Variants in R3HDM2 observed in about 807,000 individuals in gnomAD.
The protein encoded by R3HDM2 is R3H domain-containing protein 2.
R3HDM2 carries 38 observed loss-of-function variants against 124.5 expected under a neutral mutation model. The observed-to-expected ratio is 0.31, with a 90% CI of 0.24 to 0.40. The LOEUF is 0.40. Among genes scored for constraint, R3HDM2 ranks in the 10% least tolerant of loss-of-function variants. The probability of loss-of-function intolerance (pLI) is 1.00; values close to 1 mark genes in which losing one functional copy is unlikely to be tolerated. For synonymous variants in R3HDM2, 391 were observed against 448.0 expected, an observed-to-expected ratio of 0.87 and a Z score of 1.61; for missense variants, 869 against 1,236.9, an observed-to-expected ratio of 0.70 and a Z score of 4.46.
chr12:57,277,254 A>C (rs904519546), intron 14 of R3HDM2, among the ~76,000 whole-genome samples: 1 of 151,860 alleles, frequency 6.6e-6, no homozygotes, highest in African/African-American at 2.4e-5. Context: ...CAAAAGGGAG[A>C]TCCTGGCCCT....
At chr12:57,329,777 C>A (rs1278451993) in intron 2 of R3HDM2, among the ~76,000 whole-genome samples, 2 of 148,478 alleles carry the variant, frequency 1.3e-5, no homozygotes, top group Non-Finnish European at 3.0e-5. Context: ...AAAAGAACAA[C>A]AATATTAAGT....
At chr12:57,312,276 T>C (rs2054077498) in intron 2 of R3HDM2, among the ~76,000 whole-genome samples, 1 of 151,992 alleles carries the variant, frequency 6.6e-6, no homozygotes, top group Non-Finnish European at 1.5e-5. Flanking sequence ...TGACATAAGT[T>C]AGATGGTCTG....
At chr12:57,325,772 T>A (rs1021295918) in intron 2 of R3HDM2, among the ~76,000 whole-genome samples, 6 of 151,536 alleles carry the variant, frequency 4.0e-5, no homozygotes, top group South Asian at 2.1e-4. Flanking sequence ...TGGTCTTGAA[T>A]TCCTCAAGCA....
chr12:57,268,868 C>T (rs774097012), intron 17 of R3HDM2, 54 bp downstream of exon 17: 53 of 1,581,948 alleles, frequency 3.4e-5, no homozygotes, highest in Non-Finnish European at 4.5e-5. Flanking sequence ...GGAGGCTCTC[C>T]TTTTCCTCAT....
chr12:57,332,890 A>G (rs2058382678), intron 2 of R3HDM2, among the ~76,000 whole-genome samples: 2 of 152,240 alleles, frequency 1.3e-5, no homozygotes, highest in South Asian at 4.1e-4. Context: ...AGAAAGGAAT[A>G]AACTCATGGG....
chr12:57,323,264 C>G (rs1212299725), intron 2 of R3HDM2, among the ~76,000 whole-genome samples: 2 of 151,970 alleles, frequency 1.3e-5, no homozygotes, highest in East Asian at 3.9e-4. Context: ...GCCTAACAGC[C>G]GTTTGGAGAA....
intron 2 of R3HDM2, among the ~76,000 whole-genome samples, chr12:57,394,553 T>G (rs2067212777): frequency 6.6e-6 from 1 of 152,180 alleles, no homozygotes; most frequent in Admixed American, 6.6e-5. Context: ...CTTTAATATG[T>G]GCAGTTTACT....
intron 2 of R3HDM2, among the ~76,000 whole-genome samples, chr12:57,314,944 A>C (rs573768236): frequency 6.6e-6 from 1 of 151,752 alleles, no homozygotes; most frequent in East Asian, 1.9e-4. Context: ...TTCAGCCTCA[A>C]CCTCCCCGGG....
Position 57,296,658 on chromosome 12 carries a change from A to T in R3HDM2, c.561-107T>A, listed in dbSNP as rs955614630. The stretch of plus-strand genomic sequence containing the variant: ...CTAAAGTGGAAAGTTTCTTAGGAGA[A>T]ATAGACATATTATAAGGAATATAGA... On this transcript the variant is annotated intron_variant, in intron 8 of 23. Coordinates refer to ENST00000402412, the MANE Select transcript of R3HDM2 (RefSeq NM_001394031.1). This position sits in a 1 kb window ranked among gnomAD's most constrained non-coding sequence, Gnocchi z 4.5. 5.3e-5 allele frequency: 62 copies of T among 1,163,870 alleles called. 1 individual carries two copies. The South Asian group carries it at 8.8e-4, about 16-fold the overall frequency. The allele number at this position is 1,163,870 out of a possible 1,614,324, so 72.1% of individuals were successfully genotyped here. A position where few individuals can be genotyped will look rare whatever the true frequency, so the allele number is the denominator to read the frequency against.
At chr12:57,268,649 C>T in intron 17 of R3HDM2, 192 bp from the exon 18 acceptor site, 1 of 715,620 alleles carries the variant, frequency 1.4e-6, no homozygotes, top group Non-Finnish European at 2.3e-6. Flanking sequence ...AAATACCACC[C>T]TTGGGCATCT....
chr12:57,430,564 C>G, intron 1 of R3HDM2, 156 bp downstream of exon 1: 1 of 985,008 alleles, frequency 1.0e-6, no homozygotes, highest in South Asian at 4.7e-5. Flanking sequence ...GTCCTTCCCG[C>G]GGCCATCCGA....
chr12:57,257,703 T>A (rs1346674505), intron 21 of R3HDM2, among the ~76,000 whole-genome samples: 1 of 152,204 alleles, frequency 6.6e-6, no homozygotes, highest in East Asian at 1.9e-4. Context: ...TAGGTTAAAC[T>A]CTTTGGTCAT....
chr12:57,392,905 C>T (rs893425489), intron 2 of R3HDM2, among the ~76,000 whole-genome samples: 5 of 145,856 alleles, frequency 3.4e-5, no homozygotes, highest in African/African-American at 5.1e-5. Context: ...CCTGGGTTCA[C>T]GCCATTCTCC....
In R3HDM2 at chr12:57,296,963, A is replaced by G; in HGVS notation, c.560+365T>C. On this transcript the variant is annotated intron_variant, in intron 8 of 23. Coordinates refer to ENST00000402412, the MANE Select transcript of R3HDM2 (RefSeq NM_001394031.1). The surrounding 1 kb of genome is among the most constrained non-coding windows in gnomAD (Gnocchi z 4.5). ...CCCAGCTACTCAATGGCTGAGGCACAAGAATCACTTGAACCCAGGAGGCAG... is the reference window on the plus strand; with the variant it reads ...CCCAGCTACTCAATGGCTGAGGCACGAGAATCACTTGAACCCAGGAGGCAG... 9.1e-6 allele frequency: 2 copies of G among 219,804 alleles called. No homozygotes were observed. Among genetic ancestry groups the G allele is most frequent in the Non-Finnish European group, 1.8e-5 (2 of 110,976 alleles). 13.6% of individuals were successfully genotyped at this position (219,804 alleles called of 1,614,324 possible). A position where few individuals can be genotyped will look rare whatever the true frequency, so the allele number is the denominator to read the frequency against.
At chr12:57,360,741 T>A (rs967889495) in intron 2 of R3HDM2, among the ~76,000 whole-genome samples, 1 of 152,092 alleles carries the variant, frequency 6.6e-6, no homozygotes, top group South Asian at 2.1e-4. Flanking sequence ...GTGGCTTTTA[T>A]ATGGATGCAG....
chr12:57,418,754 G>GAA, intron 1 of R3HDM2, among the ~76,000 whole-genome samples: 1 of 151,954 alleles, frequency 6.6e-6, no homozygotes, highest in Admixed American at 6.6e-5. Context: ...GGTAGAGATG[G>GAA]GGTTTCACCA....
At chr12:57,420,266 CCT>C (rs909531082) in intron 1 of R3HDM2, among the ~76,000 whole-genome samples, 1 of 152,176 alleles carries the variant, frequency 6.6e-6, no homozygotes, top group African/African-American at 2.4e-5. Flanking sequence ...TAATTACTGT[CCT>C]CTCTCTCCAT....
chr12:57,258,010 CG>C lies in R3HDM2; in HGVS notation c.2428del (p.Arg810GlyfsTer45). The C allele has an allele frequency of 5.7e-6, 9 of 1,569,826 alleles. No homozygotes were observed. Among genetic ancestry groups the C allele is most frequent in the South Asian group, 3.6e-5 (3 of 84,316 alleles). On this transcript the variant is annotated frameshift_variant, in exon 21 of 24. Coordinates refer to ENST00000402412, the MANE Select transcript of R3HDM2 (RefSeq NM_001394031.1). LOFTEE classifies it high-confidence loss of function. Reference protein sequence around the residue: ...SPLPVLTQFPRPGGPAQGDGR... With the variant: ...SPLPVLTQFPXPGGPAQGDGR... ...CCTACCCTGTGCTGGACCCCCAGGC[CG>C]GGGGAACTGTGTGAGGACAGGCAGG...
At chr12:57,369,395 A>ACC (rs1346675407) in intron 2 of R3HDM2, among the ~76,000 whole-genome samples, 3 of 152,198 alleles carry the variant, frequency 2.0e-5, no homozygotes, top group African/African-American at 7.2e-5. Context: ...AAGGGTGTAA[A>ACC]ACTACATCAT....
Sources: allele counts gnomAD v4.1 joint callset (sites outside exome capture counted in the v4.1 genomes callset), GRCh38; gene constraint gnomAD v4.1.1; non-coding constraint Gnocchi (gnomAD v3.1); transcripts MANE v1.5; gene names NCBI Gene and HGNC (gene_info 2026-07-23, HGNC 2026-07-21).